Variants in NBPF3 observed in about 807,000 individuals in gnomAD.
NBPF3 encodes the protein NBPF member 3.
Under a neutral mutation model 78.1 loss-of-function variants are expected in NBPF3, and 57 were observed. That is an observed-to-expected ratio of 0.73 (90% CI 0.59 to 0.91). NBPF3 has a LOEUF of 0.91. NBPF3 is among the 40% of genes least tolerant of loss of function. The pLI is 0.00. For missense variants in NBPF3, 510 were observed against 715.3 expected (o/e 0.71, Z 3.27); for synonymous variants, 182 against 271.7 (o/e 0.67, Z 3.25).
chr1:21,467,148 G>C, intron 2 of NBPF3: 1 of 985,276 alleles, frequency 1.0e-6, no homozygotes, highest in Non-Finnish European at 1.2e-6. Flanking sequence ...TTTACTTAAA[G>C]CCGTTGATAC....
chr1:21,468,726 G>A lies in NBPF3; in HGVS notation c.172G>A (p.Val58Met), dbSNP rs749850838. ...PTSSATNVSM[V>M]VSAGPWSGEK... ...CTCTTCTGCCACAAACGTCAGCATG[G>A]TGGTATCTGCCGGCCCTTGGTCCGG... The change falls in exon 3 of 15, where the codon GTG becomes ATG. Residue 58 changes from valine (V) to methionine (M), a missense_variant. Val to Met is a conservative substitution (Grantham distance 21). Around this residue, in one of 5 missense-constraint regions of NBPF3, gnomAD observed 440 missense variants for 478.2 expected, o/e 0.92. Transcript: ENST00000318249. 5.6e-6 allele frequency: 9 copies of A among 1,613,486 alleles called. No homozygotes were observed. Among genetic ancestry groups the A allele is most frequent in the Admixed American group, 3.3e-5 (2 of 60,012 alleles).
rs530871015 is a variant in NBPF3 at position 21,451,526 on chromosome 1, G to A, written c.133+6307G>A. 2.0e-5 allele frequency among the ~76,000 whole-genome samples: 3 copies of A among 152,314 alleles called. No individual in the cohort carries two copies. The South Asian group carries it at 6.2e-4, about 32-fold the overall frequency. On this transcript the variant is annotated intron_variant, in intron 2 of 14. Transcript: ENST00000318249. Reference sequence around the variant, plus strand: ...TTTTTCTAACTGGAGACAGGCTGATGACTTCAGGGACATGAACATGGGATA... The same window carrying A: ...TTTTTCTAACTGGAGACAGGCTGATAACTTCAGGGACATGAACATGGGATA...
In NBPF3 at chr1:21,457,368, G is replaced by A. The variant is rs61775938; in HGVS notation, c.134-11320G>A. On this transcript the variant is annotated intron_variant, in intron 2 of 14. Transcript: ENST00000318249. ...TGTGTGTATATATATATATATGTAT[G>A]TATATATATGTATGTATATATATGT... is the stretch of plus-strand genomic sequence containing the variant. Among the ~76,000 whole-genome samples, 43 of 12,358 alleles carry A rather than the reference G, an allele frequency of 3.5e-3. 1 individual carries two copies. The South Asian group carries it at 0.085, about 24-fold the overall frequency. The allele number at this position is 12,358 out of a possible 152,430, so 8.1% of individuals were successfully genotyped here. A position where few individuals can be genotyped will look rare whatever the true frequency, so the allele number is the denominator to read the frequency against.
intron 2 of NBPF3, among the ~76,000 whole-genome samples, chr1:21,462,136 G>A (rs1427165014): frequency 6.6e-6 from 1 of 152,088 alleles, no homozygotes; most frequent in Non-Finnish European, 1.5e-5. Context: ...GAGCAGATGC[G>A]GGGGCCATGC....
intron 7 of NBPF3, 35 bp from the exon 8 acceptor site, chr1:21,474,865 C>T: frequency 1.3e-6 from 2 of 1,581,456 alleles, no homozygotes; most frequent in South Asian, 1.1e-5. Context: ...GTGTGAATTG[C>T]TTAATGTGAC....
At chr1:21,443,085 C>T (rs1335666986) in intron 1 of NBPF3, among the ~76,000 whole-genome samples, 1 of 152,160 alleles carries the variant, frequency 6.6e-6, no homozygotes, top group African/African-American at 2.4e-5. Flanking sequence ...GTATGGTCAT[C>T]TGATTTATGA....
In NBPF3 at chr1:21,445,218, A is replaced by T; in HGVS notation, c.132A>T (p.Thr44=). ...VGRHQELRDP[T]VPGPTSSATN... is the part of the protein sequence containing the mutation. ...GACATCAAGAGCTGCGAGATCCAAC[A>T]GGTAAAAATCCCGAGGCATTGCCAG... The change falls in exon 2 of 15, where the codon ACA becomes ACT. Residue 44 remains threonine, a splice_region_variant and synonymous_variant. Coordinates refer to ENST00000318249, the MANE Select transcript of NBPF3 (RefSeq NM_032264.6). 1 of 1,611,558 alleles carries T rather than the reference A, an allele frequency of 6.2e-7. No individual in the cohort carries two copies. The highest frequency in any genetic ancestry group is 8.5e-7 in the Non-Finnish European group (1 of 1,179,494).
At chr1:21,473,613 C>A in intron 7 of NBPF3, 28 bp downstream of exon 7, 1 of 1,575,416 alleles carries the variant, frequency 6.3e-7, no homozygotes, top group Non-Finnish European at 8.7e-7. Flanking sequence ...GTGTCTCACA[C>A]CTTTTCCTAT....
chr1:21,475,039 CT>C, intron 8 of NBPF3, 88 bp downstream of exon 8: 1 of 1,135,690 alleles, frequency 8.8e-7, no homozygotes, highest in Non-Finnish European at 1.3e-6. Context: ...ATGAATAGAA[CT>C]TTTTATTCCA....
rs1019534680 is a variant in NBPF3 at position 21,476,208 on chromosome 1, G to A, written c.992+1257G>A. 6.6e-6 allele frequency among the ~76,000 whole-genome samples: 1 copy of A among 151,996 alleles called. No homozygotes were observed. The highest frequency in any genetic ancestry group is 1.5e-5 in the Non-Finnish European group (1 of 67,980). On this transcript the variant is annotated intron_variant, in intron 8 of 14. Transcript: ENST00000318249. This position sits in a 1 kb window ranked among gnomAD's most constrained non-coding sequence, Gnocchi z 4.1. ...GTCTCCTGCGTACAGCACACTGATG[G>A]GTCTTGACTCCTTATCCAATTTGCC...
At chr1:21,465,789 G>C (rs891975033) in intron 2 of NBPF3, among the ~76,000 whole-genome samples, 1 of 152,152 alleles carries the variant, frequency 6.6e-6, no homozygotes, top group Non-Finnish European at 1.5e-5. Context: ...GAATCGTACT[G>C]CTAAGAATTC....
Position 21,474,914 on chromosome 1 carries a change from C to CATG in NBPF3, c.957_959dup (p.His319_Glu320insAsp), listed in dbSNP as rs1642809303. 6.2e-7 allele frequency: 1 copy of CATG among 1,602,544 alleles called. No homozygotes were observed. The highest frequency in any genetic ancestry group is 1.1e-5 in the South Asian group (1 of 90,976). On this transcript the variant is annotated inframe_insertion, in exon 8 of 15. Coordinates refer to ENST00000318249, the MANE Select transcript of NBPF3 (RefSeq NM_032264.6). Reference sequence around the variant, plus strand: ...TTTATTTCCAGAAAATGAAAGTGATCATGAGCAAGAGGAAGAAAAAGGGCC... The same window carrying CATG: ...TTTATTTCCAGAAAATGAAAGTGATCATGATGAGCAAGAGGAAGAAAAAGGGCC...
Position 21,476,047 on chromosome 1 carries a change from G to C in NBPF3, c.992+1096G>C, listed in dbSNP as rs1373503963. The stretch of plus-strand genomic sequence containing the variant: ...TGTAATGGCCTTCTTTGTCTCTTTT[G>C]ATCTTTCTTGGTTTAAAGTCTGTTT... On this transcript the variant is annotated intron_variant, in intron 8 of 14. Coordinates refer to ENST00000318249, the MANE Select transcript of NBPF3 (RefSeq NM_032264.6). This position sits in a 1 kb window ranked among gnomAD's most constrained non-coding sequence, Gnocchi z 4.1. 6.6e-6 allele frequency among the ~76,000 whole-genome samples: 1 copy of C among 152,014 alleles called. No homozygotes were observed. Among genetic ancestry groups the C allele is most frequent in the Non-Finnish European group, 1.5e-5 (1 of 67,996 alleles).
rs1318147009 is a variant in NBPF3, at chr1:21,483,387, G to A, written c.*1G>A. On this transcript the variant is annotated 3_prime_UTR_variant, in exon 15 of 15. Coordinates refer to ENST00000318249, the MANE Select transcript of NBPF3 (RefSeq NM_032264.6). ...GATGGGAGTCATATTCCCACACTAA[G>A]CAGCCCTTACTAAGCTGAGAGATGT... 1 of 839,536 alleles carries A rather than the reference G, an allele frequency of 1.2e-6. No individual in the cohort carries two copies. The highest frequency in any genetic ancestry group is 1.8e-6 in the Non-Finnish European group (1 of 566,764). 52.0% of individuals were successfully genotyped at this position (839,536 alleles called of 1,614,324 possible).
chr1:21,477,605 C>T (rs1642953280), intron 8 of NBPF3, among the ~76,000 whole-genome samples: 1 of 152,102 alleles, frequency 6.6e-6, no homozygotes, highest in Non-Finnish European at 1.5e-5. Context: ...GTCACCTGTT[C>T]TCTCCCATGT....
At chr1:21,472,056 GGAA>G (rs1039086389) in intron 5 of NBPF3, among the ~76,000 whole-genome samples, 2 of 152,360 alleles carry the variant, frequency 1.3e-5, no homozygotes, top group Non-Finnish European at 2.9e-5. Context: ...TTAAAGGACA[GGAA>G]GGAGGCTGTG....
chr1:21,442,198 T>C (rs1640693466), intron 1 of NBPF3: 1 of 152,222 alleles, frequency 6.6e-6, no homozygotes, highest in East Asian at 1.9e-4. Flanking sequence ...ATGTTGTTTT[T>C]TCATGAATGG....
intron 2 of NBPF3, chr1:21,466,226 T>A: frequency 2.2e-6 from 1 of 461,910 alleles, no homozygotes; most frequent in Non-Finnish European, 2.8e-6. Context: ...CAGACAAAGA[T>A]AAAATCAAAA....
chr1:21,441,245 C>T (rs1042257149), intron 1 of NBPF3, among the ~76,000 whole-genome samples: 6 of 152,054 alleles, frequency 3.9e-5, no homozygotes, highest in African/African-American at 1.2e-4. Flanking sequence ...AGCTGATATG[C>T]GTTAGTAGCT....
Sources: gnomAD v4.1 joint callset for allele counts (sites outside exome capture counted in the v4.1 genomes callset) on GRCh38, gnomAD v4.1.1 for gene constraint, gnomAD v4.1.1 regional missense constraint, Gnocchi (gnomAD v3.1) non-coding constraint, MANE v1.5 for transcripts, NCBI Gene and HGNC (gene_info 2026-07-23, HGNC 2026-07-21) for gene names.